Variants in RGS9 observed in about 807,000 individuals in gnomAD.
RGS9 encodes the protein regulator of G protein signaling 9, also known as regulator of G-protein signalling 9.
Under a neutral mutation model 102.0 loss-of-function variants are expected in RGS9, and 78 were observed. That is an observed-to-expected ratio of 0.76 (90% confidence interval 0.64 to 0.92). The LOEUF is 0.92. Among genes scored for constraint, RGS9 ranks in the 40% least tolerant of loss-of-function variants. The pLI is 0.00. For missense variants in RGS9, 833 were observed against 866.1 expected (o/e 0.96, Z 0.48); for synonymous variants, 353 against 318.6 (o/e 1.11, Z -1.15).
intron 7 of RGS9, among the ~76,000 whole-genome samples, chr17:65,164,259 A>C (rs1053718612): frequency 5.3e-5 from 8 of 152,154 alleles, no homozygotes; most frequent in African/African-American, 9.7e-5. Context: ...TATGCAGAAG[A>C]AGCAGCACCA....
At chr17:65,189,425 G>A in intron 10 of RGS9, 110 bp downstream of exon 10, 1 of 835,826 alleles carries the variant, frequency 1.2e-6, no homozygotes, top group Non-Finnish European at 2.1e-6. Context: ...CACGTGCAAT[G>A]TTCAAACAAT....
intron 9 of RGS9, among the ~76,000 whole-genome samples, chr17:65,186,482 C>T (rs560754180): frequency 6.6e-6 from 1 of 152,252 alleles, no homozygotes; most frequent in African/African-American, 2.4e-5. Context: ...GGGTTACAGG[C>T]GTGAGCCACC....
At chr17:65,219,855 C>T (rs1913641178) in intron 17 of RGS9, among the ~76,000 whole-genome samples, 1 of 151,900 alleles carries the variant, frequency 6.6e-6, no homozygotes, top group South Asian at 2.1e-4. Flanking sequence ...CCACCATCAC[C>T]ATCACTATCA....
intron 9 of RGS9, 153 bp from the exon 10 acceptor site, chr17:65,189,133 G>C: frequency 1.5e-6 from 1 of 677,548 alleles, no homozygotes; most frequent in Non-Finnish European, 2.7e-6. Context: ...ATAGAATAGA[G>C]TGGAGGCAGT....
chr17:65,205,677 T>C (rs534337702), intron 15 of RGS9, among the ~76,000 whole-genome samples: 1 of 151,852 alleles, frequency 6.6e-6, no homozygotes, highest in Non-Finnish European at 1.5e-5. Flanking sequence ...ATGAGATAGA[T>C]TATATGATAT....
At chr17:65,188,108 G>GA (rs1291980074) in intron 9 of RGS9, among the ~76,000 whole-genome samples, 2 of 151,964 alleles carry the variant, frequency 1.3e-5, no homozygotes, top group African/African-American at 4.8e-5. Flanking sequence ...CTGAGGCTGG[G>GA]ATCACCACCT....
At chr17:65,223,729 A>G (rs545015823) in intron 17 of RGS9, among the ~76,000 whole-genome samples, 1 of 148,938 alleles carries the variant, frequency 6.7e-6, no homozygotes, top group Admixed American at 6.7e-5. Context: ...GGACCAGAGC[A>G]TCCCCAGCTT....
chr17:65,154,572 C>G (rs993349896), intron 2 of RGS9, among the ~76,000 whole-genome samples: 2 of 150,594 alleles, frequency 1.3e-5, no homozygotes, highest in Admixed American at 6.6e-5. Flanking sequence ...TTTGCTCCAC[C>G]GTTTACCTTC....
chr17:65,202,120 C>T, intron 14 of RGS9, 40 bp downstream of exon 14: 1 of 1,337,476 alleles, frequency 7.5e-7, no homozygotes, highest in Non-Finnish European at 1.1e-6. Flanking sequence ...TTCCCTTGGG[C>T]CTCTGAGGAC....
chr17:65,223,751 GC>G (rs567350006), intron 17 of RGS9, among the ~76,000 whole-genome samples: 1 of 141,702 alleles, frequency 7.1e-6, no homozygotes, highest in African/African-American at 3.0e-5. Flanking sequence ...TTCATGCCAG[GC>G]TTTTTTTTTT....
At chr17:65,156,634 T>C (rs1441764486) in intron 2 of RGS9, among the ~76,000 whole-genome samples, 2 of 152,142 alleles carry the variant, frequency 1.3e-5, no homozygotes, top group Non-Finnish European at 2.9e-5. Flanking sequence ...GACCGCGTGG[T>C]ACAGATGCTG....
chr17:65,224,266 G>C (rs1454452190), intron 17 of RGS9, among the ~76,000 whole-genome samples: 1 of 152,252 alleles, frequency 6.6e-6, no homozygotes, highest in African/African-American at 2.4e-5. Flanking sequence ...CCTATGCTCT[G>C]GGGGCTGGGG....
intron 17 of RGS9, among the ~76,000 whole-genome samples, chr17:65,214,994 C>T (rs1913433908): frequency 1.3e-5 from 2 of 152,192 alleles, no homozygotes; most frequent in South Asian, 2.1e-4. Flanking sequence ...CTTTTTCTCT[C>T]ACTGGGCTGT....
chr17:65,177,831 G>C (rs555816255), intron 9 of RGS9, 28 bp downstream of exon 9: 2 of 1,601,958 alleles, frequency 1.2e-6, no homozygotes, highest in East Asian at 2.2e-5. Flanking sequence ...AGTTTGGGTA[G>C]GGCCTAGGTC....
Position 65,221,675 on chromosome 17 carries a change from TC to T in RGS9, c.1408-3326del, listed in dbSNP as rs1311997262. Among the ~76,000 whole-genome samples the T allele has an allele frequency of 5.3e-5, 8 of 152,332 alleles. No homozygotes were observed. In the South Asian group the frequency reaches 1.7e-3, roughly 32 times the overall value. ...GGAATTCCATAAACTAGGGAACTTATCAACAACAAACACTTCCCGCGGTTCT... is the reference window on the plus strand; with the variant it reads ...GGAATTCCATAAACTAGGGAACTTATAACAACAAACACTTCCCGCGGTTCT... On this transcript the variant is annotated intron_variant, in intron 17 of 18. Transcript: ENST00000262406.
intron 1 of RGS9, among the ~76,000 whole-genome samples, chr17:65,150,579 GCCA>G (rs1910540144): frequency 6.6e-6 from 1 of 152,138 alleles, no homozygotes; most frequent in African/African-American, 2.4e-5. Context: ...CTGAGATCAT[GCCA>G]CTGCACTCCA....
At chr17:65,141,381 G>A (rs1003828011) in intron 1 of RGS9, among the ~76,000 whole-genome samples, 1 of 152,198 alleles carries the variant, frequency 6.6e-6, no homozygotes, top group South Asian at 2.1e-4. Flanking sequence ...CACCATGGGC[G>A]AATTTCTTGG....
At chr17:65,197,060 C>T in intron 12 of RGS9, 66 bp from the exon 13 acceptor site, 5 of 1,158,590 alleles carry the variant, frequency 4.3e-6, no homozygotes, top group South Asian at 1.3e-5. Flanking sequence ...AGGCCCTCAC[C>T]CCAACCCAGG....
At position 65,193,624 on chromosome 17, in the gene RGS9, T is replaced by A. The variant is rs1464285041; in HGVS notation, c.828T>A (p.Asp276Glu). 1.2e-6 allele frequency: 2 copies of A among 1,613,576 alleles called. No homozygotes were observed. Among genetic ancestry groups the A allele is most frequent in the Non-Finnish European group, 8.5e-7 (1 of 1,179,550 alleles). Reference protein sequence around the residue: ...GCLPSNPWITDDTQFWDLNAK... With the variant: ...GCLPSNPWITEDTQFWDLNAK... Reference sequence around the variant, plus strand: ...TCCCCAGCAACCCCTGGATCACCGATGACACCCAGTTCTGGGACTTAAATG... The same window carrying A: ...TCCCCAGCAACCCCTGGATCACCGAAGACACCCAGTTCTGGGACTTAAATG... Residue 276 changes from aspartate (D) to glutamate (E), a missense_variant, in exon 12 of 19, where the codon GAT becomes GAA. By Grantham distance (45) the Asp-to-Glu change is conservative (BLOSUM62 2). This residue lies in a region of RGS9 where 328 missense variants were observed against 340.6 expected (regional missense o/e 0.96). Coordinates refer to ENST00000262406, the MANE Select transcript of RGS9 (RefSeq NM_003835.4).
Sources: gnomAD v4.1 joint callset for allele counts (sites outside exome capture counted in the v4.1 genomes callset) on GRCh38, gnomAD v4.1.1 for gene constraint, gnomAD v4.1.1 regional missense constraint, MANE v1.5 for transcripts, NCBI Gene and HGNC (gene_info 2026-07-23, HGNC 2026-07-21) for gene names.